GPD2: variants seen among roughly 807,000 people sequenced by gnomAD.
GPD2 encodes the protein glycerol-3-phosphate dehydrogenase, mitochondrial.
In GPD2, 54 loss-of-function variants were observed where a neutral mutation model predicts 82.4. That is an observed-to-expected ratio of 0.66 (90% CI 0.53 to 0.82). The LOEUF is 0.82. Among genes scored for constraint, GPD2 ranks in the 40% least tolerant of loss-of-function variants. The pLI is 0.00. For synonymous variants in GPD2, 288 were observed against 306.1 expected, an observed-to-expected ratio of 0.94 and a Z score of 0.62; for missense variants, 748 against 896.2, an observed-to-expected ratio of 0.83 and a Z score of 2.11.
rs73965934 is a variant in GPD2 at position 156,505,384 on chromosome 2, C to T, written c.275-5412C>T. ...CCAAATATTAGTATTTTATTACTGTCGCAAAATTCCCCAGACTACCTACTA... is the reference window on the plus strand; with the variant it reads ...CCAAATATTAGTATTTTATTACTGTTGCAAAATTCCCCAGACTACCTACTA... On this transcript the variant is annotated intron_variant, in intron 3 of 16. Transcript: ENST00000438166. Among the ~76,000 whole-genome samples the T allele has an allele frequency of 3.5e-3, 534 of 152,128 alleles. 4 individuals carry two copies. The highest frequency in any genetic ancestry group is 0.012 in the African/African-American group (486 of 41,526).
intron 1 of GPD2, among the ~76,000 whole-genome samples, chr2:156,442,765 C>T (rs1682220432): frequency 6.6e-6 from 1 of 151,982 alleles, no homozygotes; most frequent in African/African-American, 2.4e-5. Context: ...CATTACTGCA[C>T]TCCAGCTTGG....
chr2:156,512,318 G>A lies in GPD2; in HGVS notation c.497+1G>A. The A allele has an allele frequency of 6.7e-7, 1 of 1,490,968 alleles. No homozygotes were observed. The highest frequency in any genetic ancestry group is 9.4e-7 in the Non-Finnish European group (1 of 1,067,722). The allele number at this position is 1,490,968 out of a possible 1,614,324, so 92.4% of individuals were successfully genotyped here. A position where few individuals can be genotyped will look rare whatever the true frequency, so the allele number is the denominator to read the frequency against. The stretch of plus-strand genomic sequence containing the variant: ...TGCCTATAATGCTTCCAGTTTACAA[G>A]TAAGCCTTTTGATATCACCTGTATG... On this transcript the variant is annotated splice_donor_variant, in intron 5 of 16. Coordinates refer to ENST00000438166, the MANE Select transcript of GPD2 (RefSeq NM_000408.5). LOFTEE classifies it high-confidence loss of function.
At chr2:156,528,410 C>A (rs1171659365) in intron 6 of GPD2, among the ~76,000 whole-genome samples, 1 of 150,948 alleles carries the variant, frequency 6.6e-6, no homozygotes, top group Non-Finnish European at 1.5e-5. Context: ...CAATTTTTTT[C>A]TTTTTTTCTT....
chr2:156,485,805 A>G (rs555370241), intron 2 of GPD2, among the ~76,000 whole-genome samples: 25 of 152,226 alleles, frequency 1.6e-4, no homozygotes, highest in Non-Finnish European at 3.1e-4. Context: ...TCTGGAAGAA[A>G]AGAAAAAGTT....
chr2:156,513,614 C>T lies in GPD2; in HGVS notation c.661+118C>T, dbSNP rs993823776. The T allele has an allele frequency of 7.5e-6, 6 of 795,628 alleles. No homozygotes were observed. The Admixed American group carries it at 1.0e-4, about 14-fold the overall frequency. The allele number at this position is 795,628 out of a possible 1,614,324, so 49.3% of individuals were successfully genotyped here. On this transcript the variant is annotated intron_variant, in intron 6 of 16. Coordinates refer to ENST00000438166, the MANE Select transcript of GPD2 (RefSeq NM_000408.5). ...TTAAATACTAATCTTACACAACACA[C>T]AAACACACGTGCACGCACATATTCA... is the stretch of plus-strand genomic sequence containing the variant.
the GPD2 span, among the ~76,000 whole-genome samples, chr2:156,414,702 T>A: frequency 6.6e-6 from 1 of 152,066 alleles, no homozygotes; most frequent in East Asian, 1.9e-4. Flanking sequence ...AGTGGATGAG[T>A]TCTAAATATA....
chr2:156,555,139 A>G lies in GPD2; in HGVS notation c.972-2250A>G, dbSNP rs115692065. ...GAAAATATGAATTAGGTAATTTAGAACTGATGAAAGATATTTCCAAGTGGA... is the reference window on the plus strand; with the variant it reads ...GAAAATATGAATTAGGTAATTTAGAGCTGATGAAAGATATTTCCAAGTGGA... On this transcript the variant is annotated intron_variant, in intron 8 of 16. Transcript: ENST00000438166. 8.6e-3 allele frequency among the ~76,000 whole-genome samples: 1,313 copies of G among 152,354 alleles called. 9 individuals are homozygous for G. Among genetic ancestry groups the G allele is most frequent in the Non-Finnish European group, 0.014 (960 of 68,024 alleles).
chr2:156,533,783 G>T (rs371032638), intron 6 of GPD2, among the ~76,000 whole-genome samples: 1 of 152,350 alleles, frequency 6.6e-6, no homozygotes, highest in South Asian at 2.1e-4. Flanking sequence ...ATGTGCAATG[G>T]GTGTGGCTCA....
At chr2:156,431,872 G>A (rs187242307), upstream of GPD2, among the ~76,000 whole-genome samples, 12 of 146,960 alleles carry the variant, frequency 8.2e-5, no homozygotes, top group Middle Eastern at 0.011. Context: ...ACGTGTCTGC[G>A]TGTCTGTGAA....
chr2:156,525,211 A>G (rs1233889524), intron 6 of GPD2, among the ~76,000 whole-genome samples: 1 of 152,228 alleles, frequency 6.6e-6, no homozygotes, highest in Non-Finnish European at 1.5e-5. Context: ...TGATAGATAC[A>G]TGTCAATCCA....
At chr2:156,455,753 A>G (rs1682769522) in intron 1 of GPD2, among the ~76,000 whole-genome samples, 1 of 24,534 alleles carries the variant, frequency 4.1e-5, no homozygotes, top group Non-Finnish European at 4.7e-4. Context: ...TATTTTTATC[A>G]TTTTTGTTTG....
chr2:156,464,976 G>A (rs1051246142), intron 1 of GPD2, among the ~76,000 whole-genome samples: 4 of 151,876 alleles, frequency 2.6e-5, no homozygotes, highest in Middle Eastern at 3.4e-3. Flanking sequence ...TCAGCCTCCT[G>A]AGTAGCTGGG....
the GPD2 span, among the ~76,000 whole-genome samples, chr2:156,418,086 G>A: frequency 5.3e-5 from 8 of 150,150 alleles, no homozygotes; most frequent in Admixed American, 2.0e-4. Context: ...ATGGTGGCAC[G>A]TGCCTGTAGT....
intron 13 of GPD2, 36 bp downstream of exon 13, chr2:156,571,328 T>C: frequency 6.0e-6 from 8 of 1,325,572 alleles, no homozygotes; most frequent in Non-Finnish European, 8.4e-6. Flanking sequence ...ACAATTCCTA[T>C]TGTAAACGCG....
At chr2:156,400,610 G>T in the GPD2 span, among the ~76,000 whole-genome samples, 4 of 152,228 alleles carry the variant, frequency 2.6e-5, no homozygotes, top group African/African-American at 7.2e-5. Context: ...AGGTCTGAAT[G>T]CACAGTGGAA....
rs1187710314 is a variant in GPD2 at position 156,449,828 on chromosome 2, T to C, written c.-9+13315T>C. On this transcript the variant is annotated intron_variant, in intron 1 of 16. Transcript: ENST00000438166. ...GAGTTCGAGACCAGCCTGGCCAATA[T>C]GGCAAAACTCCATCTCTACTAAATA... is the stretch of plus-strand genomic sequence containing the variant. Among the ~76,000 whole-genome samples the C allele has an allele frequency of 2.2e-5, 3 of 135,236 alleles. No homozygotes were observed. In the East Asian group the frequency reaches 6.8e-4, roughly 31 times the overall value. The allele number at this position is 135,236 out of a possible 152,430, so 88.7% of individuals were successfully genotyped here.
chr2:156,576,495 T>C (rs1322853166), intron 13 of GPD2, among the ~76,000 whole-genome samples: 26 of 151,948 alleles, frequency 1.7e-4, no homozygotes, highest in Non-Finnish European at 5.9e-5. Context: ...AGGTTTGTTC[T>C]ACCCTAGGAA....
chr2:156,465,713 TA>T (rs751439636), intron 1 of GPD2, among the ~76,000 whole-genome samples: 2 of 152,138 alleles, frequency 1.3e-5, no homozygotes, highest in Non-Finnish European at 2.9e-5. Flanking sequence ...ATGTAAAATG[TA>T]AAAAGAGCGT....
chr2:156,466,681 C>T (rs574367354), intron 1 of GPD2, among the ~76,000 whole-genome samples: 4 of 152,092 alleles, frequency 2.6e-5, no homozygotes, highest in South Asian at 2.1e-4. Context: ...AATAAATGCT[C>T]GATTAACAGT....
Sources: gnomAD v4.1 joint callset for allele counts (sites outside exome capture counted in the v4.1 genomes callset) on GRCh38, gnomAD v4.1.1 for gene constraint, MANE v1.5 for transcripts, NCBI Gene and HGNC (gene_info 2026-07-23, HGNC 2026-07-21) for gene names.